INSR: variants seen among roughly 807,000 people sequenced by gnomAD.
INSR encodes IR.
Under a neutral mutation model 142.6 loss-of-function variants are expected in INSR, and 67 were observed. The ratio of observed to expected loss-of-function variants is 0.47; its 90% CI spans 0.39 to 0.58. INSR has a LOEUF of 0.58. Among genes scored for constraint, INSR ranks in the 20% least tolerant of loss-of-function variants. INSR has a pLI of 0.00. For synonymous variants in INSR, 756 were observed against 743.1 expected (o/e 1.02, Z -0.28); for missense variants, 1,248 against 1,833.2 (o/e 0.68, Z 5.83).
In INSR at chr19:7,225,504, T is replaced by C. The variant is rs1975751343; in HGVS notation, c.653-40867A>G. Among the ~76,000 whole-genome samples the C allele has an allele frequency of 6.6e-6, 1 of 152,136 alleles. No homozygotes were observed. Among genetic ancestry groups the C allele is most frequent in the Non-Finnish European group, 1.5e-5 (1 of 68,016 alleles). ...TCCAAGAGGGAAGGACCTTTCTGTT[T>C]TCTTCCCTGTGGCTATGTCCTGACT... On this transcript the variant is annotated intron_variant, in intron 2 of 21. Transcript: ENST00000302850. This position sits in a 1 kb window ranked among gnomAD's most constrained non-coding sequence, Gnocchi z 4.7.
intron 1 of INSR, among the ~76,000 whole-genome samples, chr19:7,285,417 T>C (rs991347773): frequency 7.9e-5 from 12 of 152,010 alleles, no homozygotes; most frequent in Admixed American, 7.9e-4. Flanking sequence ...ACCACTGCAG[T>C]CTGGCCTGGG....
At chr19:7,165,050 T>A (rs987566525) in intron 8 of INSR, among the ~76,000 whole-genome samples, 5 of 151,876 alleles carry the variant, frequency 3.3e-5, no homozygotes, top group African/African-American at 1.2e-4. Flanking sequence ...TCACTTGAAC[T>A]GGGACGGGGA....
rs956381658 is a variant in INSR, at chr19:7,170,625, T to C, written c.1395A>G (p.Glu465=). The C allele has an allele frequency of 2.5e-6, 4 of 1,613,868 alleles. No homozygotes were observed. In the African/African-American group the frequency reaches 5.3e-5, roughly 22 times the overall value. ...FHYNPKLCLS[E]IHKMEEVSGT... Reference sequence around the variant, plus strand: ...CTGAAACTTCTTCCATCTTGTGGATTTCTGACAAGCAGAGTTTGGGGTTAT... The same window carrying C: ...CTGAAACTTCTTCCATCTTGTGGATCTCTGACAAGCAGAGTTTGGGGTTAT... The change falls in exon 6 of 22, where the codon GAA becomes GAG. Residue 465 remains glutamate, a synonymous_variant. Transcript: ENST00000302850.
chr19:7,203,272 A>G (rs1719388989), intron 2 of INSR, among the ~76,000 whole-genome samples: 3 of 152,240 alleles, frequency 2.0e-5, no homozygotes, highest in Admixed American at 2.0e-4. Flanking sequence ...ATTAAAGATC[A>G]TCCCTTCAAA....
intron 1 of INSR, among the ~76,000 whole-genome samples, chr19:7,273,514 CTTTTTTT>C (rs899836609): frequency 8.4e-5 from 12 of 142,896 alleles, no homozygotes; most frequent in Admixed American, 7.0e-4. Context: ...TTTCTTTTTT[CTTTTTTT>C]TTTTTTCTTT....
intron 4 of INSR, 49 bp downstream of exon 4, chr19:7,174,534 G>T: frequency 6.2e-7 from 1 of 1,607,994 alleles, no homozygotes; most frequent in South Asian, 1.1e-5. Flanking sequence ...CAGCTCAGAG[G>T]GACATGGAGC....
chr19:7,136,549 T>C (rs1387981927), intron 13 of INSR, among the ~76,000 whole-genome samples: 3 of 152,022 alleles, frequency 2.0e-5, no homozygotes, highest in Non-Finnish European at 4.4e-5. Flanking sequence ...CCGTGTCTCC[T>C]GTTCCTGGGA....
chr19:7,210,987 C>T (rs1975257793), intron 2 of INSR, among the ~76,000 whole-genome samples: 1 of 152,160 alleles, frequency 6.6e-6, no homozygotes, highest in Admixed American at 6.5e-5. Flanking sequence ...TCCCAAAGTA[C>T]TGGGATTACA....
rs776892760 is a variant in INSR, at chr19:7,117,116, G to A, written c.4089C>T (p.His1363=). 1 of 1,614,120 alleles carries A rather than the reference G, an allele frequency of 6.2e-7. No individual in the cohort carries two copies. Among genetic ancestry groups the A allele is most frequent in the Non-Finnish European group, 8.5e-7 (1 of 1,180,034 alleles). Residue 1363 remains histidine, a synonymous_variant, in exon 22 of 22, where the codon CAC becomes CAT. Coordinates refer to ENST00000302850, the MANE Select transcript of INSR (RefSeq NM_000208.4). Reference sequence around the variant, plus strand: ...GCCCGTTTTTCTTGCCTCCGTTCATGTGTGTGTAAGGGATGTGTTCCTCGT... The same window carrying A: ...GCCCGTTTTTCTTGCCTCCGTTCATATGTGTGTAAGGGATGTGTTCCTCGT... ...RSYEEHIPYT[H]MNGGKKNGRI... is the part of the protein sequence containing the mutation.
intron 19 of INSR, 66 bp downstream of exon 19, chr19:7,122,548 C>T (rs2144804558): frequency 6.4e-7 from 1 of 1,553,498 alleles, no homozygotes; most frequent in Admixed American, 1.7e-5. Flanking sequence ...TCATTATAGA[C>T]AACTTCCTTC....
chr19:7,180,177 A>T (rs1465981281), intron 3 of INSR, among the ~76,000 whole-genome samples: 1 of 152,224 alleles, frequency 6.6e-6, no homozygotes, highest in Non-Finnish European at 1.5e-5. Flanking sequence ...TTTGTTACGC[A>T]ACAAGAGCTA....
intron 11 of INSR, among the ~76,000 whole-genome samples, chr19:7,148,710 T>C (rs1599904374): frequency 6.7e-6 from 1 of 149,108 alleles, no homozygotes; most frequent in Middle Eastern, 3.6e-3. Context: ...ACTCCTGGCC[T>C]CAAGTGATTG....
chr19:7,120,468 G>A, intron 20 of INSR, 152 bp downstream of exon 20: 1 of 826,584 alleles, frequency 1.2e-6, no homozygotes, highest in Non-Finnish European at 2.0e-6. Context: ...GGACATAAGA[G>A]TAGCCGTGGG....
intron 13 of INSR, among the ~76,000 whole-genome samples, chr19:7,140,162 C>T (rs1022278949): frequency 6.6e-6 from 1 of 152,088 alleles, no homozygotes; most frequent in African/African-American, 2.4e-5. Context: ...TTGTCAAAGC[C>T]AAAATCTTTG....
chr19:7,209,386 A>G (rs966208791), intron 2 of INSR, among the ~76,000 whole-genome samples: 2 of 152,110 alleles, frequency 1.3e-5, no homozygotes, highest in Non-Finnish European at 2.9e-5. Context: ...TCTGCTCCTC[A>G]TGTGTATGCA....
intron 2 of INSR, among the ~76,000 whole-genome samples, chr19:7,187,100 G>C (rs1476749556): frequency 1.3e-5 from 2 of 151,668 alleles, no homozygotes; most frequent in Non-Finnish European, 2.9e-5. Context: ...AATTTATTTT[G>C]AGATGGAGTC....
chr19:7,233,661 T>A (rs1976063364), intron 2 of INSR, among the ~76,000 whole-genome samples: 1 of 141,722 alleles, frequency 7.1e-6, no homozygotes, highest in Non-Finnish European at 1.5e-5. Flanking sequence ...GTTTTTTCTT[T>A]TTCTGTCTTT....
At chr19:7,131,439 G>A (rs958356114) in intron 14 of INSR, among the ~76,000 whole-genome samples, 11 of 151,452 alleles carry the variant, frequency 7.3e-5, no homozygotes, top group Non-Finnish European at 1.0e-4. Context: ...TCTGCTTCCC[G>A]GGTTCCTGAG....
chr19:7,214,645 C>T (rs1043540727), intron 2 of INSR, among the ~76,000 whole-genome samples: 3 of 152,136 alleles, frequency 2.0e-5, no homozygotes, highest in African/African-American at 7.2e-5. Flanking sequence ...GCCAGGTATG[C>T]ATTAGGGGAT....
Sources: gnomAD v4.1 joint callset for allele counts (sites outside exome capture counted in the v4.1 genomes callset) on GRCh38, gnomAD v4.1.1 for gene constraint, Gnocchi (gnomAD v3.1) non-coding constraint, MANE v1.5 for transcripts, NCBI Gene and HGNC (gene_info 2026-07-23, HGNC 2026-07-21) for gene names.